The following PTPN4 variants were observed in gnomAD, a reference collection of about 807,000 sequenced individuals.
PTPN4 encodes tyrosine-protein phosphatase non-receptor type 4.
PTPN4 carries 49 observed loss-of-function variants against 135.5 expected under a neutral mutation model. That is an observed-to-expected ratio of 0.36 (90% CI 0.29 to 0.46). PTPN4 has a LOEUF of 0.46. PTPN4 is among the 20% of genes least tolerant of loss of function. The probability of loss-of-function intolerance (pLI) is 1.00; values close to 1 mark genes in which losing one functional copy is unlikely to be tolerated. For missense variants in PTPN4, 860 were observed against 1,101.0 expected (o/e 0.78, Z 3.10); for synonymous variants, 333 against 369.9 (o/e 0.90, Z 1.14).
At chr2:119,839,252 A>G (rs1677344239) in intron 2 of PTPN4, among the ~76,000 whole-genome samples, 1 of 152,190 alleles carries the variant, frequency 6.6e-6, no homozygotes, top group Non-Finnish European at 1.5e-5. Flanking sequence ...ATTTGCTATC[A>G]TAAGGTTTTT....
chr2:119,951,033 G>T (rs1432316138), intron 18 of PTPN4, among the ~76,000 whole-genome samples: 1 of 152,124 alleles, frequency 6.6e-6, no homozygotes, highest in Admixed American at 6.6e-5. Context: ...GAAACACTGA[G>T]AATTTAAATG....
At chr2:119,770,989 C>T (rs903688910) in intron 1 of PTPN4, among the ~76,000 whole-genome samples, 1 of 151,862 alleles carries the variant, frequency 6.6e-6, no homozygotes, top group Admixed American at 6.6e-5. Context: ...AAGCGATTCT[C>T]CTGCCTCAGC....
chr2:119,793,413 A>G (rs1235774545), intron 1 of PTPN4, among the ~76,000 whole-genome samples: 1 of 152,126 alleles, frequency 6.6e-6, no homozygotes, highest in Non-Finnish European at 1.5e-5. Context: ...TCTTTTTTCA[A>G]TGTGCTGAGA....
intron 1 of PTPN4, among the ~76,000 whole-genome samples, chr2:119,766,053 A>G (rs1188006934): frequency 6.6e-6 from 1 of 152,176 alleles, no homozygotes; most frequent in Non-Finnish European, 1.5e-5. Context: ...CTGGTGTGCC[A>G]TGAATGGTTT....
intron 2 of PTPN4, among the ~76,000 whole-genome samples, chr2:119,816,895 C>T (rs1297617043): frequency 6.6e-6 from 1 of 152,110 alleles, no homozygotes; most frequent in East Asian, 1.9e-4. Flanking sequence ...TTTATAAGGC[C>T]ACCATCATTT....
intron 2 of PTPN4, among the ~76,000 whole-genome samples, chr2:119,852,074 C>T (rs779697575): frequency 3.3e-5 from 5 of 152,136 alleles, no homozygotes; most frequent in Non-Finnish European, 7.3e-5. Flanking sequence ...TTCCTTTCTC[C>T]TATTTTGTTA....
intron 26 of PTPN4, among the ~76,000 whole-genome samples, chr2:119,968,946 G>A (rs1227731253): frequency 6.6e-6 from 1 of 152,178 alleles, no homozygotes; most frequent in Non-Finnish European, 1.5e-5. Context: ...TTAAGACACT[G>A]TGAAATAATA....
At chr2:119,771,556 C>T (rs1233397004) in intron 1 of PTPN4, 1 of 152,224 alleles carries the variant, frequency 6.6e-6, no homozygotes, top group Non-Finnish European at 1.5e-5. Flanking sequence ...TGCTGGGATA[C>T]CACCTGCTTA....
chr2:119,771,816 G>T (rs1333860639), intron 1 of PTPN4, among the ~76,000 whole-genome samples: 1 of 152,184 alleles, frequency 6.6e-6, no homozygotes, highest in Non-Finnish European at 1.5e-5. Context: ...GATGTTAGTT[G>T]TTATAAGTCC....
At chr2:119,857,407 G>GCCTGTAAT (rs1289065359) in intron 2 of PTPN4, among the ~76,000 whole-genome samples, 1 of 151,814 alleles carries the variant, frequency 6.6e-6, no homozygotes, top group Admixed American at 6.6e-5. Context: ...GGTCGCGTGT[G>GCCTGTAAT]CCTGTAATCC....
At chr2:119,896,862 C>T (rs1403471996) in intron 9 of PTPN4, among the ~76,000 whole-genome samples, 1 of 152,006 alleles carries the variant, frequency 6.6e-6, no homozygotes, top group African/African-American at 2.4e-5. Flanking sequence ...AATTATTCTC[C>T]TTATTAAAGC....
intron 10 of PTPN4, among the ~76,000 whole-genome samples, chr2:119,902,341 G>A (rs150265575): frequency 2.4e-4 from 36 of 152,318 alleles, no homozygotes; most frequent in Admixed American, 9.8e-4. Context: ...TCCTTCAGAA[G>A]TGAACGAGAA....
intron 5 of PTPN4, among the ~76,000 whole-genome samples, chr2:119,878,330 T>C (rs1027087584): frequency 6.6e-6 from 1 of 152,186 alleles, no homozygotes; most frequent in Non-Finnish European, 1.5e-5. Flanking sequence ...GAATTAGTAA[T>C]GAGTTATTTT....
At chr2:119,914,482 G>C (rs10195593) in intron 10 of PTPN4, among the ~76,000 whole-genome samples, 1 of 151,964 alleles carries the variant, frequency 6.6e-6, no homozygotes, top group Admixed American at 6.6e-5. Context: ...TATTCTTTGA[G>C]AATGCTGAGA....
At chr2:119,969,849 C>T (rs1296929847) in intron 26 of PTPN4, among the ~76,000 whole-genome samples, 1 of 151,502 alleles carries the variant, frequency 6.6e-6, no homozygotes, top group African/African-American at 2.4e-5. Flanking sequence ...TGAGCCACCA[C>T]ACCCGGCCAT....
In PTPN4 at chr2:119,760,179, C is replaced by A; in HGVS notation, c.-223C>A. ...CCGGCTGCCCGCCTCCCTGCCACCT[C>A]CCCAGCGGCGCCGGCCCGCGGCTGC... On this transcript the variant is annotated 5_prime_UTR_variant, in exon 1 of 27. Coordinates refer to ENST00000263708, the MANE Select transcript of PTPN4 (RefSeq NM_002830.4). 2.5e-6 allele frequency: 1 copy of A among 394,260 alleles called. No individual in the cohort carries two copies. Among genetic ancestry groups the A allele is most frequent in the South Asian group, 1.3e-4 (1 of 7,516 alleles). 24.4% of individuals were successfully genotyped at this position (394,260 alleles called of 1,614,324 possible). A position where few individuals can be genotyped will look rare whatever the true frequency, so the allele number is the denominator to read the frequency against.
chr2:119,832,613 G>T (rs1301187473), intron 2 of PTPN4, among the ~76,000 whole-genome samples: 1 of 151,716 alleles, frequency 6.6e-6, no homozygotes. Flanking sequence ...TTTTCTTACT[G>T]ATTTTTCAAT....
chr2:119,796,181 G>A (rs921207815), intron 1 of PTPN4, among the ~76,000 whole-genome samples: 1 of 152,088 alleles, frequency 6.6e-6, no homozygotes, highest in African/African-American at 2.4e-5. Context: ...CACTGCTCTG[G>A]CCTCCCCACT....
At chr2:119,938,075 T>A (rs559460496) in intron 15 of PTPN4, among the ~76,000 whole-genome samples, 1 of 152,022 alleles carries the variant, frequency 6.6e-6, no homozygotes, top group East Asian at 1.9e-4. Context: ...TCCTTTCTCT[T>A]AACAACCGAA....
Sources: allele counts gnomAD v4.1 joint callset (sites outside exome capture counted in the v4.1 genomes callset), GRCh38; gene constraint gnomAD v4.1.1; transcripts MANE v1.5; gene names NCBI Gene and HGNC (gene_info 2026-07-23, HGNC 2026-07-21).